Variants in SIL1 observed in about 807,000 individuals in gnomAD.
SIL1 encodes the protein SIL1 nucleotide exchange factor, also known as nucleotide exchange factor SIL1.
A neutral mutation model predicts 49.1 loss-of-function variants in SIL1; 40 were observed. The ratio of observed to expected loss-of-function variants is 0.81; its 90% CI spans 0.63 to 1.06. SIL1 has a LOEUF of 1.06. Among genes scored for constraint, SIL1 ranks in the 50% least tolerant of loss-of-function variants. The pLI, the probability that SIL1 is intolerant of heterozygous loss-of-function variation, is 0.00. For synonymous variants in SIL1, 253 were observed against 250.8 expected, an observed-to-expected ratio of 1.01 and a Z score of -0.08; for missense variants, 500 against 572.6, an observed-to-expected ratio of 0.87 and a Z score of 1.29.
At chr5:139,116,254 G>A (rs555129942) in intron 3 of SIL1, among the ~76,000 whole-genome samples, 1 of 152,192 alleles carries the variant, frequency 6.6e-6, no homozygotes, top group Non-Finnish European at 1.5e-5. Context: ...CAGATGGCTG[G>A]TGCTCTATAA....
rs374696186 is a variant in SIL1, at chr5:139,066,778, T to C, written c.245-15732A>G. 2.6e-4 allele frequency among the ~76,000 whole-genome samples: 39 copies of C among 152,268 alleles called. No homozygotes were observed. The South Asian group carries it at 4.8e-3, about 19-fold the overall frequency. ...TGGGGTGCAGTGGTATGATCACGGCTCACTGCAGCCTTGACCTCCCAGGCT... is the reference window on the plus strand; with the variant it reads ...TGGGGTGCAGTGGTATGATCACGGCCCACTGCAGCCTTGACCTCCCAGGCT... On this transcript the variant is annotated intron_variant, in intron 3 of 9. Transcript: ENST00000394817.
intron 1 of SIL1, among the ~76,000 whole-genome samples, chr5:139,130,228 G>A (rs1170390041): frequency 6.6e-6 from 1 of 152,084 alleles, no homozygotes; most frequent in Non-Finnish European, 1.5e-5. Context: ...AGACCTCAGT[G>A]AGCTATGATA....
At chr5:138,984,333 T>G (rs1264294735) in intron 7 of SIL1, among the ~76,000 whole-genome samples, 7 of 56,592 alleles carry the variant, frequency 1.2e-4, no homozygotes, top group Non-Finnish European at 2.8e-4. Context: ...TCTTACGGTG[T>G]TTTTTTTTTT....
At chr5:139,062,852 C>T (rs1489722872) in intron 3 of SIL1, among the ~76,000 whole-genome samples, 1 of 152,226 alleles carries the variant, frequency 6.6e-6, no homozygotes, top group Non-Finnish European at 1.5e-5. Context: ...CCAGGCATTC[C>T]TTCTGCCACA....
At chr5:138,966,655 CA>C (rs1767150669) in intron 7 of SIL1, among the ~76,000 whole-genome samples, 1 of 152,152 alleles carries the variant, frequency 6.6e-6, no homozygotes, top group Admixed American at 6.5e-5. Context: ...CCCTCATCGC[CA>C]TGAGAGGAGG....
At chr5:139,143,338 C>CATATATAT (rs1251442889) in intron 1 of SIL1, among the ~76,000 whole-genome samples, 452 of 84,012 alleles carry the variant, frequency 5.4e-3, no homozygotes, top group Non-Finnish European at 8.2e-3. Flanking sequence ...CACACACACA[C>CATATATAT]ACACACATAT....
At chr5:139,056,535 C>T (rs551726954) in intron 3 of SIL1, among the ~76,000 whole-genome samples, 2,161 of 147,168 alleles carry the variant, frequency 0.015, 49 homozygotes, top group African/African-American at 0.049. Flanking sequence ...CCGCCCCGTC[C>T]GGGAGGGAGG....
intron 5 of SIL1, among the ~76,000 whole-genome samples, chr5:139,040,484 C>CTTTTTTTTTTT (rs140792595): frequency 3.4e-5 from 3 of 89,402 alleles, no homozygotes; most frequent in Non-Finnish European, 6.4e-5. Flanking sequence ...AGTATTTTTT[C>CTTTTTTTTTTT]TTTTTTCTTT....
At chr5:138,973,657 C>T (rs1271280133) in intron 7 of SIL1, among the ~76,000 whole-genome samples, 1 of 152,072 alleles carries the variant, frequency 6.6e-6, no homozygotes, top group Non-Finnish European at 1.5e-5. Context: ...TGAGGTCTCA[C>T]TATGTTACCC....
chr5:139,104,196 C>T (rs1180011761), intron 3 of SIL1, among the ~76,000 whole-genome samples: 3 of 152,192 alleles, frequency 2.0e-5, no homozygotes, highest in African/African-American at 4.8e-5. Flanking sequence ...GACGGCAGCA[C>T]GTGGCTCAGA....
chr5:139,027,664 T>G (rs544322405), intron 5 of SIL1, among the ~76,000 whole-genome samples: 1 of 152,312 alleles, frequency 6.6e-6, no homozygotes, highest in South Asian at 2.1e-4. Flanking sequence ...AAAATGAAGT[T>G]ACATTAGAGG....
intron 7 of SIL1, among the ~76,000 whole-genome samples, chr5:138,998,425 C>A (rs1032592906): frequency 7.2e-5 from 11 of 152,174 alleles, no homozygotes; most frequent in African/African-American, 2.7e-4. Context: ...GCATCAGCCT[C>A]CCAAAGTGCT....
intron 7 of SIL1, among the ~76,000 whole-genome samples, chr5:139,009,266 C>G (rs2150417925): frequency 2.7e-5 from 3 of 113,002 alleles, no homozygotes; most frequent in African/African-American, 1.0e-4. Flanking sequence ...TCTGTTTTAT[C>G]AGAGACTAGG....
chr5:139,077,696 AC>A (rs1280808430), intron 3 of SIL1, among the ~76,000 whole-genome samples: 1 of 152,240 alleles, frequency 6.6e-6, no homozygotes, highest in Non-Finnish European at 1.5e-5. Context: ...ACAGTTCCAC[AC>A]AGAGGCACCA....
chr5:139,005,247 TA>T (rs35417365), intron 7 of SIL1, among the ~76,000 whole-genome samples: 1 of 151,260 alleles, frequency 6.6e-6, no homozygotes, highest in East Asian at 1.9e-4. Context: ...ATCTGCCAAG[TA>T]AAAAAAAATT....
chr5:139,127,910 C>T (rs918601488), intron 1 of SIL1, 57 bp from the exon 2 acceptor site: 2 of 1,098,544 alleles, frequency 1.8e-6, no homozygotes, highest in Middle Eastern at 2.0e-4. Flanking sequence ...CTTGGTTCCC[C>T]CGCACTGTGA....
At position 139,050,978 on chromosome 5, in the gene SIL1, G is replaced by A; in HGVS notation, c.313C>T (p.Gln105Ter). The change falls in exon 4 of 10, where the codon CAA becomes TAA. Residue 105 changes from glutamine (Q) to a stop codon, truncating the protein, a stop_gained. Coordinates refer to ENST00000394817, the MANE Select transcript of SIL1 (RefSeq NM_022464.5). LOFTEE classifies it high-confidence loss of function. The part of the protein sequence containing the change: ...LQTGEREAKL[Q>*]YEDKFRNNLK... Reference sequence around the variant, plus strand: ...TTATTTCGGAACTTGTCCTCATATTGGAGTTTTGCCTCTCTTTCCCCAGTC... The same window carrying A: ...TTATTTCGGAACTTGTCCTCATATTAGAGTTTTGCCTCTCTTTCCCCAGTC... The A allele has an allele frequency of 6.2e-7, 1 of 1,614,162 alleles. No individual in the cohort carries two copies. The highest frequency in any genetic ancestry group is 8.5e-7 in the Non-Finnish European group (1 of 1,180,014).
At chr5:139,189,678 G>A (rs568782468) in intron 1 of SIL1, among the ~76,000 whole-genome samples, 9 of 152,164 alleles carry the variant, frequency 5.9e-5, no homozygotes, top group African/African-American at 9.6e-5. Flanking sequence ...AAAAATTAGC[G>A]GGTGTGGTGG....
chr5:139,039,431 T>C (rs1768991607), intron 5 of SIL1, among the ~76,000 whole-genome samples: 1 of 152,238 alleles, frequency 6.6e-6, no homozygotes, highest in African/African-American at 2.4e-5. Flanking sequence ...GTTTCTATCC[T>C]GTTAGGATGC....
Sources: gnomAD v4.1 joint callset for allele counts (sites outside exome capture counted in the v4.1 genomes callset) on GRCh38, gnomAD v4.1.1 for gene constraint, MANE v1.5 for transcripts, NCBI Gene and HGNC (gene_info 2026-07-23, HGNC 2026-07-21) for gene names.